The following PUM1 variants were observed in gnomAD, a reference collection of about 807,000 sequenced individuals.
The protein encoded by PUM1 is pumilio homolog 1.
In PUM1, 13 loss-of-function variants were observed where a neutral mutation model predicts 131.8. The ratio of observed to expected loss-of-function variants is 0.10; its 90% CI spans 0.06 to 0.16. The LOEUF (loss-of-function observed/expected upper bound fraction) is 0.16, where lower values mean the gene tolerates loss of function less well. Ranked by LOEUF, PUM1 falls within the 10% of genes least tolerant of loss-of-function variation. The pLI is 1.00. For synonymous variants in PUM1, 509 were observed against 556.5 expected, an observed-to-expected ratio of 0.91 and a Z score of 1.20; for missense variants, 961 against 1,512.4, an observed-to-expected ratio of 0.64 and a Z score of 6.05.
chr1:31,001,264 G>A (rs1367894640), intron 5 of PUM1, among the ~76,000 whole-genome samples: 1 of 152,138 alleles, frequency 6.6e-6, no homozygotes, highest in Non-Finnish European at 1.5e-5. Context: ...AGCTACTGGG[G>A]AGGCAGGGGC....
chr1:30,961,536 CG>C (rs978287058), intron 14 of PUM1, among the ~76,000 whole-genome samples: 14 of 151,370 alleles, frequency 9.2e-5, no homozygotes, highest in Admixed American at 4.0e-4. Context: ...ACAATAAAAA[CG>C]GGGGGGAATA....
At chr1:31,056,598 CCTTTTCTTTT>C (rs772254478) in intron 2 of PUM1, among the ~76,000 whole-genome samples, 9 of 126,332 alleles carry the variant, frequency 7.1e-5, no homozygotes, top group African/African-American at 2.5e-4. Flanking sequence ...TGAAAACCTT[CCTTTTCTTTT>C]CTTTTTTTTT....
intron 5 of PUM1, among the ~76,000 whole-genome samples, chr1:30,996,271 G>C (rs1641977078): frequency 6.6e-6 from 1 of 152,146 alleles, no homozygotes; most frequent in South Asian, 2.1e-4. Flanking sequence ...CAAGTTCCTG[G>C]TACAAGGCAA....
intron 1 of PUM1, among the ~76,000 whole-genome samples, chr1:31,064,097 A>T (rs189162187): frequency 1.3e-5 from 2 of 152,332 alleles, no homozygotes; most frequent in African/African-American, 4.8e-5. Flanking sequence ...AAAGTTTTTT[A>T]AAATATCACT....
intron 21 of PUM1, 86 bp from the exon 22 acceptor site, chr1:30,933,428 T>TCACACATACACACA (rs1639039726): frequency 1.1e-6 from 1 of 947,890 alleles, no homozygotes; most frequent in Non-Finnish European, 1.6e-6. Context: ...ATGTCATGCA[T>TCACACATACACACA]CACACACACA....
At chr1:31,052,947 G>A (rs1167252012) in intron 2 of PUM1, among the ~76,000 whole-genome samples, 3 of 151,258 alleles carry the variant, frequency 2.0e-5, no homozygotes, top group Non-Finnish European at 1.5e-5. Flanking sequence ...CAACTGATCC[G>A]CCCACCTCGG....
At chr1:31,022,953 G>A (rs1331721924) in intron 3 of PUM1, among the ~76,000 whole-genome samples, 2 of 152,062 alleles carry the variant, frequency 1.3e-5, no homozygotes, top group Non-Finnish European at 2.9e-5. Context: ...TGGATCACTG[G>A]AAGTCACGAG....
At chr1:31,052,775 T>C (rs1013292737) in intron 2 of PUM1, among the ~76,000 whole-genome samples, 8 of 151,428 alleles carry the variant, frequency 5.3e-5, no homozygotes, top group African/African-American at 1.9e-4. Flanking sequence ...CTCAGCTCAC[T>C]GCAACCTCTG....
intron 5 of PUM1, among the ~76,000 whole-genome samples, chr1:31,002,199 T>G (rs2124503140): frequency 6.6e-6 from 1 of 152,286 alleles, no homozygotes; most frequent in African/African-American, 2.4e-5. Context: ...ACAAAACCTA[T>G]GAAAGTTAAG....
At position 30,995,034 on chromosome 1, in the gene PUM1, G is replaced by C; in HGVS notation, c.887+20C>G. 6.3e-7 allele frequency: 1 copy of C among 1,596,792 alleles called. No individual in the cohort carries two copies. The highest frequency in any genetic ancestry group is 8.5e-7 in the Non-Finnish European group (1 of 1,171,032). ...TCCCATAGCCCATATTCAAAAATCA[G>C]AAGTGTAAAACATACAAACCTAAAA... On this transcript the variant is annotated intron_variant, in intron 6 of 21. Transcript: ENST00000426105.
chr1:31,011,314 G>A (rs1196996283), intron 3 of PUM1, among the ~76,000 whole-genome samples: 1 of 152,078 alleles, frequency 6.6e-6, no homozygotes, highest in Non-Finnish European at 1.5e-5. Flanking sequence ...TTAGGAGTCT[G>A]TTTTCAAGAA....
intron 3 of PUM1, among the ~76,000 whole-genome samples, chr1:31,015,117 C>T (rs1642764200): frequency 6.6e-6 from 1 of 152,190 alleles, no homozygotes; most frequent in African/African-American, 2.4e-5. Flanking sequence ...TCTCCTCATG[C>T]ATTCTTCCCT....
intron 2 of PUM1, among the ~76,000 whole-genome samples, chr1:31,043,234 C>T (rs1643879282): frequency 6.6e-6 from 1 of 151,896 alleles, no homozygotes; most frequent in Non-Finnish European, 1.5e-5. Context: ...GACAGTTTCA[C>T]TCTTGTTGCT....
rs192530634 is a variant in PUM1 at position 31,013,216 on chromosome 1, C to T, written c.433-6114G>A. Among the ~76,000 whole-genome samples the T allele has an allele frequency of 1.1e-4, 17 of 152,256 alleles. No individual in the cohort carries two copies. The East Asian group carries it at 2.3e-3, about 21-fold the overall frequency. ...AACAACACTACAAGAACCATGATTACGGCTTTTCAGGAACTGCAGAGGCAA... is the reference window on the plus strand; with the variant it reads ...AACAACACTACAAGAACCATGATTATGGCTTTTCAGGAACTGCAGAGGCAA... On this transcript the variant is annotated intron_variant, in intron 3 of 21. Transcript: ENST00000426105.
At chr1:31,025,851 C>T (rs112302310) in intron 3 of PUM1, among the ~76,000 whole-genome samples, 43,232 of 152,008 alleles carry the variant, frequency 0.28, 6,626 homozygotes, top group Non-Finnish European at 0.34. Context: ...CCACCACGCC[C>T]GGCCAGTAAA....
chr1:30,932,970 C>A lies in PUM1; in HGVS notation c.*241G>T, dbSNP rs964285302. On this transcript the variant is annotated 3_prime_UTR_variant, in exon 22 of 22. Coordinates refer to ENST00000426105, the MANE Select transcript of PUM1 (RefSeq NM_001020658.2). ...TACCTATGTACAAGTATCCTATACA[C>A]CAGTAAAACAGCAGGGCAATTAGTC... The A allele has an allele frequency of 2.0e-5, 8 of 405,664 alleles. No individual in the cohort carries two copies. In the Admixed American group the frequency reaches 2.7e-4, roughly 14 times the overall value. The allele number at this position is 405,664 out of a possible 1,614,324, so 25.1% of individuals were successfully genotyped here. A position where few individuals can be genotyped will look rare whatever the true frequency, so the allele number is the denominator to read the frequency against.
At chr1:30,965,251 A>T (rs966270185) in intron 13 of PUM1, among the ~76,000 whole-genome samples, 1 of 152,340 alleles carries the variant, frequency 6.6e-6, no homozygotes, top group Middle Eastern at 3.4e-3. Flanking sequence ...AAAAGGTTCA[A>T]GTAGAAAAAT....
At chr1:31,047,018 T>C (rs12061368) in intron 2 of PUM1, among the ~76,000 whole-genome samples, 43,466 of 151,626 alleles carry the variant, frequency 0.29, 8,082 homozygotes, top group East Asian at 0.53. Context: ...TAGTGAAACC[T>C]CATCTCTACT....
chr1:30,996,373 A>C (rs899002254), intron 5 of PUM1, among the ~76,000 whole-genome samples: 1 of 152,236 alleles, frequency 6.6e-6, no homozygotes, highest in Non-Finnish European at 1.5e-5. Context: ...TGGAGGACAC[A>C]GCAGCAGACA....
Sources: gnomAD v4.1 joint callset for allele counts (sites outside exome capture counted in the v4.1 genomes callset) on GRCh38, gnomAD v4.1.1 for gene constraint, MANE v1.5 for transcripts, NCBI Gene and HGNC (gene_info 2026-07-23, HGNC 2026-07-21) for gene names.